Variants in CYTH1 observed in about 807,000 individuals in gnomAD.
CYTH1 encodes cytohesin 1.
In CYTH1, 18 loss-of-function variants were observed where a neutral mutation model predicts 61.8. The ratio of observed to expected loss-of-function variants is 0.29; its 90% CI spans 0.20 to 0.43. CYTH1 has a LOEUF of 0.43. Ranked by LOEUF, CYTH1 falls within the 20% of genes least tolerant of loss-of-function variation. The probability of loss-of-function intolerance (pLI) is 1.00; values close to 1 mark genes in which losing one functional copy is unlikely to be tolerated. For synonymous variants in CYTH1, 174 were observed against 184.3 expected (o/e 0.94, Z 0.45); for missense variants, 336 against 510.5 (o/e 0.66, Z 3.29).
At chr17:78,747,274 G>A (rs775325638) in intron 1 of CYTH1, among the ~76,000 whole-genome samples, 2 of 151,842 alleles carry the variant, frequency 1.3e-5, no homozygotes, top group African/African-American at 4.8e-5. Context: ...TGGGAAGATA[G>A]TGGCACAGGT....
rs544216796 is a variant in CYTH1 at position 78,729,595 on chromosome 17, C to T, written c.23-19863G>A. ...ACTAGCAAAACATAAAGAGCACACA[C>T]CTTTTGATTTGATTTGAATCAAACT... On this transcript the variant is annotated intron_variant, in intron 1 of 13. Coordinates refer to ENST00000446868, the MANE Select transcript of CYTH1 (RefSeq NM_004762.6). Among the ~76,000 whole-genome samples, 83 of 152,212 alleles carry T rather than the reference C, an allele frequency of 5.5e-4. 2 individuals carry two copies. The Middle Eastern group carries it at 0.02, about 37-fold the overall frequency.
intron 1 of CYTH1, among the ~76,000 whole-genome samples, chr17:78,772,497 A>G (rs1313299820): frequency 6.6e-6 from 1 of 152,176 alleles, no homozygotes; most frequent in Non-Finnish European, 1.5e-5. Context: ...AGCAGGTATG[A>G]GCCATAAGAT....
At position 78,721,604 on chromosome 17, in the gene CYTH1, C is replaced by T. The variant is rs142754357; in HGVS notation, c.23-11872G>A. ...CTTCTCAGTGTTGGAGCCGTCTCATCTGACAGCTCCTCACGTTCACAGGCG... is the reference window on the plus strand; with the variant it reads ...CTTCTCAGTGTTGGAGCCGTCTCATTTGACAGCTCCTCACGTTCACAGGCG... On this transcript the variant is annotated intron_variant, in intron 1 of 13. Coordinates refer to ENST00000446868, the MANE Select transcript of CYTH1 (RefSeq NM_004762.6). Among the ~76,000 whole-genome samples the T allele has an allele frequency of 2.3e-3, 356 of 152,348 alleles. 5 individuals carry two copies. Among genetic ancestry groups the T allele is most frequent in the African/African-American group, 8.4e-3 (349 of 41,580 alleles).
intron 7 of CYTH1, among the ~76,000 whole-genome samples, chr17:78,699,434 C>T (rs920872146): frequency 1.3e-5 from 2 of 151,470 alleles, no homozygotes; most frequent in African/African-American, 4.8e-5. Flanking sequence ...CTCCAGGGCA[C>T]ACTGCTGTCT....
chr17:78,676,114 C>A lies in CYTH1; in HGVS notation c.1174G>T (p.Val392Phe). The stretch of plus-strand genomic sequence containing the variant: ...GCTCAGTGTCGCTTCGTGGAGGAGA[C>A]CTTCTTTTTCCGTGCTGCGAGCATT... The part of the protein sequence containing the change: ...YEMLAARKKK[V>F]SSTKRH The change falls in exon 14 of 14, where the codon GTC becomes TTC. Residue 392 changes from valine (V) to phenylalanine (F), a missense_variant. Coordinates refer to ENST00000446868, the MANE Select transcript of CYTH1 (RefSeq NM_004762.6). 2 of 1,610,826 alleles carry A rather than the reference C, an allele frequency of 1.2e-6. No homozygotes were observed. The highest frequency in any genetic ancestry group is 1.7e-6 in the Non-Finnish European group (2 of 1,178,756).
intron 1 of CYTH1, among the ~76,000 whole-genome samples, chr17:78,763,238 G>A (rs1484501105): frequency 6.6e-6 from 1 of 151,674 alleles, no homozygotes; most frequent in African/African-American, 2.4e-5. Flanking sequence ...AGCTACTTGG[G>A]AGGCTGAGGC....
chr17:78,676,719 C>G (rs769839458), intron 13 of CYTH1: 11 of 335,908 alleles, frequency 3.3e-5, no homozygotes, highest in Non-Finnish European at 6.4e-5. Flanking sequence ...ATGGACAGAC[C>G]GGCTGGACCT....
chr17:78,759,205 G>A (rs550193399), intron 1 of CYTH1, among the ~76,000 whole-genome samples: 4 of 152,314 alleles, frequency 2.6e-5, no homozygotes, highest in African/African-American at 4.8e-5. Flanking sequence ...ACTGCCTGAG[G>A]TGGCTTCATT....
In CYTH1 at chr17:78,693,737, C is replaced by T. The variant is rs562212994; in HGVS notation, c.815-1244G>A. On this transcript the variant is annotated intron_variant, in intron 10 of 13. Transcript: ENST00000446868. ...CCAAGCCTATCTGAATGAAGCTACA[C>T]CTGCTGTCAAATCGGGACCACAGGC... Among the ~76,000 whole-genome samples the T allele has an allele frequency of 9.9e-5, 15 of 152,116 alleles. No homozygotes were observed. In the East Asian group the frequency reaches 2.9e-3, roughly 29 times the overall value.
In CYTH1 at chr17:78,698,380, T is replaced by G; in HGVS notation, c.700A>C (p.Asn234His). 6.2e-7 allele frequency: 1 copy of G among 1,604,622 alleles called. No individual in the cohort carries two copies. The highest frequency in any genetic ancestry group is 8.5e-7 in the Non-Finnish European group (1 of 1,172,600). Residue 234 changes from asparagine (N) to histidine (H), a missense_variant and splice_region_variant, in exon 9 of 14, where the codon AAT (asparagine) becomes CAT (histidine). Physicochemically the swap from Asn to His is moderately conservative, Grantham distance 68. This residue lies in a region of CYTH1 where 125 missense variants were observed against 209.9 expected (regional missense o/e 0.60). Transcript: ENST00000446868. Reference protein sequence around the residue: ...GGDLPEELLRNLYESIKNEPF... With the variant: ...GGDLPEELLRHLYESIKNEPF... The stretch of plus-strand genomic sequence containing the variant: ...TCATTTTTTATGCTCTCATAGAGAT[T>G]CTGGGATAAAAGATGACAATTTATG...
intron 1 of CYTH1, among the ~76,000 whole-genome samples, chr17:78,761,665 G>A (rs868526099): frequency 2.0e-5 from 3 of 152,180 alleles, no homozygotes; most frequent in Middle Eastern, 3.2e-3. Flanking sequence ...GTGAACCCGG[G>A]AGGCGGAGCT....
chr17:78,771,081 G>A (rs2093469524), intron 1 of CYTH1, among the ~76,000 whole-genome samples: 1 of 151,810 alleles, frequency 6.6e-6, no homozygotes, highest in Non-Finnish European at 1.5e-5. Context: ...TGCCCAACAT[G>A]GCAAAATCCC....
At chr17:78,681,319 A>C (rs1473558760) in intron 11 of CYTH1, among the ~76,000 whole-genome samples, 1 of 152,122 alleles carries the variant, frequency 6.6e-6, no homozygotes. Context: ...CACGGTCCTC[A>C]AGCAGGGAGT....
At chr17:78,706,319 C>T (rs181199913) in intron 3 of CYTH1, among the ~76,000 whole-genome samples, 12 of 149,858 alleles carry the variant, frequency 8.0e-5, no homozygotes, top group Non-Finnish European at 1.3e-4. Context: ...GCAACCACCT[C>T]GGAGGCAGCA....
At position 78,676,148 on chromosome 17, in the gene CYTH1, A is replaced by C. The variant is rs755656175; in HGVS notation, c.1140T>G (p.Pro380=). Residue 380 remains proline, a synonymous_variant, in exon 14 of 14, where the codon CCT becomes CCG. Coordinates refer to ENST00000446868, the MANE Select transcript of CYTH1 (RefSeq NM_004762.6). The stretch of plus-strand genomic sequence containing the variant: ...TCCGTGCTGCGAGCATTTCGTAGAA[A>C]GGGTCCCTGCTGATGGCTGCTCTGG... ...KCIKAAISRD[P]FYEMLAARKK... The C allele has an allele frequency of 2.5e-6, 4 of 1,610,598 alleles. No individual in the cohort carries two copies. Among genetic ancestry groups the C allele is most frequent in the Non-Finnish European group, 3.4e-6 (4 of 1,178,636 alleles).
chr17:78,773,264 G>A (rs1598929730), intron 1 of CYTH1, among the ~76,000 whole-genome samples: 1 of 152,154 alleles, frequency 6.6e-6, no homozygotes, highest in African/African-American at 2.4e-5. Context: ...GAGGCCAGGA[G>A]TTCAAGACCA....
chr17:78,725,617 G>A (rs1217698522), intron 1 of CYTH1, among the ~76,000 whole-genome samples: 2 of 152,188 alleles, frequency 1.3e-5, no homozygotes, highest in Non-Finnish European at 2.9e-5. Flanking sequence ...CAGTCATCAT[G>A]TGCAAGGCTC....
At chr17:78,746,480 C>T (rs1231960301) in intron 1 of CYTH1, among the ~76,000 whole-genome samples, 1 of 152,192 alleles carries the variant, frequency 6.6e-6, no homozygotes, top group Non-Finnish European at 1.5e-5. Flanking sequence ...CCCACAGTGA[C>T]AGTGCGGCGA....
chr17:78,769,264 T>C (rs1598925468), intron 1 of CYTH1, among the ~76,000 whole-genome samples: 2 of 150,862 alleles, frequency 1.3e-5, no homozygotes, highest in South Asian at 4.2e-4. Flanking sequence ...CCCATAACTG[T>C]CCCCCATTTC....
Sources: gnomAD v4.1 joint callset for allele counts (sites outside exome capture counted in the v4.1 genomes callset) on GRCh38, gnomAD v4.1.1 for gene constraint, gnomAD v4.1.1 regional missense constraint, MANE v1.5 for transcripts, NCBI Gene and HGNC (gene_info 2026-07-23, HGNC 2026-07-21) for gene names.